Variants in DNAH6 observed in about 807,000 individuals in gnomAD.
The protein encoded by DNAH6 is axonemal beta dynein heavy chain 6.
In DNAH6, 340 loss-of-function variants were observed where a neutral mutation model predicts 491.4. The ratio of observed to expected loss-of-function variants is 0.69; its 90% CI spans 0.63 to 0.76. The LOEUF is 0.76. Ranked by LOEUF, DNAH6 falls within the 30% of genes least tolerant of loss-of-function variation. DNAH6 has a pLI of 0.00. For synonymous variants in DNAH6, 1,603 were observed against 1,686.1 expected, an observed-to-expected ratio of 0.95 and a Z score of 1.21; for missense variants, 4,443 against 4,972.2, an observed-to-expected ratio of 0.89 and a Z score of 3.20.
In DNAH6 at chr2:84,623,457, T is replaced by C. The variant is rs568229234; in HGVS notation, c.4072-808T>C. The stretch of plus-strand genomic sequence containing the variant: ...AGAAAAATAAAACAACCTTATTGAA[T>C]AAAACAACTTTATTGAAATACAACA... On this transcript the variant is annotated intron_variant, in intron 26 of 76. Coordinates refer to ENST00000389394, the MANE Select transcript of DNAH6 (RefSeq NM_001370.2). Among the ~76,000 whole-genome samples the C allele has an allele frequency of 5.9e-5, 9 of 152,264 alleles. No homozygotes were observed. In the South Asian group the frequency reaches 1.9e-3, roughly 32 times the overall value.
At chr2:84,759,929 T>TA (rs147236532) in intron 63 of DNAH6, among the ~76,000 whole-genome samples, 35 of 152,246 alleles carry the variant, frequency 2.3e-4, no homozygotes, top group Admixed American at 3.3e-4. Context: ...TACAAGGCTA[T>TA]AGTAATGAAA....
intron 31 of DNAH6, among the ~76,000 whole-genome samples, chr2:84,639,888 G>A (rs754958633): frequency 3.9e-5 from 6 of 152,280 alleles, no homozygotes; most frequent in Non-Finnish European, 7.4e-5. Flanking sequence ...AAAAGGGTCC[G>A]CTTCCAGCTC....
chr2:84,578,465 G>C (rs1306550684), intron 13 of DNAH6, among the ~76,000 whole-genome samples: 2 of 152,024 alleles, frequency 1.3e-5, no homozygotes, highest in African/African-American at 4.8e-5. Context: ...CCAGAGATTG[G>C]GTCGATATCA....
At chr2:84,632,528 T>C (rs1470252101) in intron 29 of DNAH6, among the ~76,000 whole-genome samples, 1 of 152,224 alleles carries the variant, frequency 6.6e-6, no homozygotes, top group Non-Finnish European at 1.5e-5. Context: ...TTTTCTTTGT[T>C]ACTTCCTTTA....
At chr2:84,710,239 T>C (rs1316471118) in intron 55 of DNAH6, 48 bp from the exon 56 acceptor site, 2 of 1,518,632 alleles carry the variant, frequency 1.3e-6, no homozygotes, top group Non-Finnish European at 1.8e-6. Context: ...TTTCTAGCCA[T>C]TTATTATGCT....
chr2:84,713,857 T>C (rs1697279012), intron 57 of DNAH6, among the ~76,000 whole-genome samples: 1 of 152,180 alleles, frequency 6.6e-6, no homozygotes, highest in African/African-American at 2.4e-5. Flanking sequence ...TTATGGGTGG[T>C]GGGGGTATCT....
At chr2:84,783,988 G>A (rs1676943154) in intron 65 of DNAH6, among the ~76,000 whole-genome samples, 1 of 152,156 alleles carries the variant, frequency 6.6e-6, no homozygotes, top group African/African-American at 2.4e-5. Flanking sequence ...GAATCTGAGG[G>A]AACAGCCAGT....
chr2:84,499,966 A>G, the DNAH6 span, among the ~76,000 whole-genome samples: 7 of 151,726 alleles, frequency 4.6e-5, no homozygotes, highest in Non-Finnish European at 1.0e-4. Context: ...GTAGTTTGCA[A>G]CCATTCTGTG....
At chr2:84,641,504 G>A (rs1213808291) in intron 32 of DNAH6, among the ~76,000 whole-genome samples, 1 of 152,168 alleles carries the variant, frequency 6.6e-6, no homozygotes, top group Non-Finnish European at 1.5e-5. Flanking sequence ...GGCAGCAACA[G>A]GGCTGCACCC....
At chr2:84,613,693 G>C (rs1264672573) in intron 22 of DNAH6, among the ~76,000 whole-genome samples, 1 of 152,054 alleles carries the variant, frequency 6.6e-6, no homozygotes, top group Non-Finnish European at 1.5e-5. Context: ...GCTTGGTTTG[G>C]AGAGTCAAGG....
chr2:84,727,355 T>G (rs1434172479), intron 60 of DNAH6, among the ~76,000 whole-genome samples: 1 of 152,124 alleles, frequency 6.6e-6, no homozygotes, highest in Non-Finnish European at 1.5e-5. Flanking sequence ...AAGTCCTCAA[T>G]GTTGTGGATA....
At chr2:84,619,933 T>C (rs1483314756) in intron 24 of DNAH6, 29 bp downstream of exon 24, 4 of 1,515,888 alleles carry the variant, frequency 2.6e-6, no homozygotes, top group Middle Eastern at 1.7e-4. Flanking sequence ...TATTTCTTTA[T>C]TGATGAACTT....
At position 84,557,278 on chromosome 2, in the gene DNAH6, A is replaced by G. The variant is rs1309035125; in HGVS notation, c.1603-457A>G. 3.9e-5 allele frequency among the ~76,000 whole-genome samples: 6 copies of G among 152,222 alleles called. No homozygotes were observed. In the South Asian group the frequency reaches 6.2e-4, roughly 16 times the overall value. On this transcript the variant is annotated intron_variant, in intron 10 of 76. Coordinates refer to ENST00000389394, the MANE Select transcript of DNAH6 (RefSeq NM_001370.2). ...AGGGCCATGTCTTTTGATTTGTCAT[A>G]TACTCAGAATCAGCACAATACCTAG...
At chr2:84,735,870 A>C (rs1445567054) in intron 62 of DNAH6, among the ~76,000 whole-genome samples, 2 of 152,114 alleles carry the variant, frequency 1.3e-5, no homozygotes, top group Non-Finnish European at 2.9e-5. Flanking sequence ...GAAGCTCTTT[A>C]GTTTAAATCC....
intron 67 of DNAH6, among the ~76,000 whole-genome samples, 182 bp downstream of exon 67, chr2:84,785,938 C>T (rs1677132649): frequency 6.6e-6 from 1 of 152,228 alleles, no homozygotes; most frequent in Admixed American, 6.5e-5. Context: ...TTCACAGCTT[C>T]AGCTCTCACC....
chr2:84,512,838 ATC>A (rs1675389168), upstream of DNAH6, among the ~76,000 whole-genome samples: 1 of 152,200 alleles, frequency 6.6e-6, no homozygotes, highest in Non-Finnish European at 1.5e-5. Context: ...TGCATGAAAT[ATC>A]TTTTTTCCTT....
chr2:84,645,806 A>T (rs766753034), intron 33 of DNAH6, among the ~76,000 whole-genome samples: 2 of 152,064 alleles, frequency 1.3e-5, no homozygotes. Flanking sequence ...GGAGTTTTTA[A>T]CTCTCAGACA....
chr2:84,591,870 C>G, intron 16 of DNAH6, among the ~76,000 whole-genome samples: 1 of 151,256 alleles, frequency 6.6e-6, no homozygotes, highest in Admixed American at 6.6e-5. Flanking sequence ...GTCTCTTCAA[C>G]AAACGGTGTT....
At chr2:84,791,208 G>GA (rs997107369) in intron 68 of DNAH6, among the ~76,000 whole-genome samples, 46 of 138,928 alleles carry the variant, frequency 3.3e-4, no homozygotes, top group Non-Finnish European at 4.7e-4. Flanking sequence ...AAAGAAAAAA[G>GA]AAAAAAAAAA....
Sources: gnomAD v4.1 joint callset for allele counts (sites outside exome capture counted in the v4.1 genomes callset) on GRCh38, gnomAD v4.1.1 for gene constraint, MANE v1.5 for transcripts, NCBI Gene and HGNC (gene_info 2026-07-23, HGNC 2026-07-21) for gene names.